NTRK3: variants seen among roughly 807,000 people sequenced by gnomAD.
The protein encoded by NTRK3 is neurotrophic receptor tyrosine kinase 3.
Under a neutral mutation model 91.7 loss-of-function variants are expected in NTRK3, and 24 were observed. The observed-to-expected ratio is 0.26, with a 90% CI of 0.19 to 0.37. NTRK3 has a LOEUF of 0.37. Among genes scored for constraint, NTRK3 ranks in the 10% least tolerant of loss-of-function variants. The pLI is 1.00. For missense variants in NTRK3, 880 were observed against 1,068.9 expected (o/e 0.82, Z 2.46); for synonymous variants, 483 against 404.0 (o/e 1.20, Z -2.34).
Position 87,935,734 on chromosome 15 carries a change from C to T in NTRK3, c.1717-2550G>A, listed in dbSNP as rs572259391. On this transcript the variant is annotated intron_variant, in intron 15 of 18. Transcript: ENST00000394480. ...AAATCATTCTCTCCCACAGTCTGGACGTCAATGACAGCCCTGGGATATTTC... is the reference window on the plus strand; with the variant it reads ...AAATCATTCTCTCCCACAGTCTGGATGTCAATGACAGCCCTGGGATATTTC... Among the ~76,000 whole-genome samples the T allele has an allele frequency of 9.2e-5, 14 of 152,304 alleles. No individual in the cohort carries two copies. In the South Asian group the frequency reaches 1.0e-3, roughly 11 times the overall value.
At chr15:87,870,181 TACACACACACACAC>T (rs58874538) in exon 19 of NTRK3, 3 of 168,128 alleles carry the variant, frequency 1.8e-5, no homozygotes, top group African/African-American at 2.5e-5. Flanking sequence ...GAAACTGTGG[TACACACACACACAC>T]ACACACACAC....
chr15:88,137,475 C>A, exon 7 of NTRK3: 1 of 1,614,194 alleles, frequency 6.2e-7, no homozygotes. Context: ...GAGGTTCTGG[C>A]TGTTGAGCTT....
chr15:88,190,859 G>A (rs1358295541), intron 3 of NTRK3, among the ~76,000 whole-genome samples: 1 of 152,176 alleles, frequency 6.6e-6, no homozygotes, highest in Non-Finnish European at 1.5e-5. Context: ...TGGCACTAGT[G>A]GAATAAATAG....
At chr15:87,979,016 G>A (rs72481815) in intron 14 of NTRK3, 1 of 417,086 alleles carries the variant, frequency 2.4e-6, no homozygotes, top group Non-Finnish European at 4.3e-6. Context: ...TTTTTGTAAA[G>A]CAAGAGAATG....
At chr15:88,173,180 C>T (rs1052690523) in intron 5 of NTRK3, among the ~76,000 whole-genome samples, 24 of 152,086 alleles carry the variant, frequency 1.6e-4, no homozygotes, top group East Asian at 1.5e-3. Context: ...GGAAAGAATG[C>T]GGGGACCCAG....
chr15:88,037,349 G>T (rs1270054196), intron 13 of NTRK3, among the ~76,000 whole-genome samples: 1 of 152,176 alleles, frequency 6.6e-6, no homozygotes, highest in Non-Finnish European at 1.5e-5. Context: ...ATCATGTGAG[G>T]TCAGGCATTC....
intron 17 of NTRK3, among the ~76,000 whole-genome samples, chr15:87,890,656 C>T (rs565247977): frequency 2.0e-5 from 3 of 152,008 alleles, no homozygotes; most frequent in African/African-American, 7.2e-5. Context: ...TTTCTGATGC[C>T]TGGTGTTTCA....
intron 14 of NTRK3, among the ~76,000 whole-genome samples, chr15:87,962,810 A>T (rs2072426685): frequency 2.0e-5 from 3 of 152,056 alleles, no homozygotes; most frequent in Admixed American, 1.3e-4. Flanking sequence ...CCTCACTCTG[A>T]CCTTGAGAAA....
At chr15:88,105,782 C>T (rs75255182) in intron 13 of NTRK3, among the ~76,000 whole-genome samples, 4,331 of 152,266 alleles carry the variant, frequency 0.028, 170 homozygotes, top group East Asian at 0.11. Flanking sequence ...GTGGCCACTT[C>T]CTGAGCATGG....
chr15:88,045,155 C>T (rs1045238098), intron 13 of NTRK3, among the ~76,000 whole-genome samples: 1 of 152,226 alleles, frequency 6.6e-6, no homozygotes, highest in Non-Finnish European at 1.5e-5. Context: ...GAGCCCACCA[C>T]CCTGTGTCTG....
At chr15:88,173,811 C>G (rs896624018) in intron 5 of NTRK3, among the ~76,000 whole-genome samples, 1 of 152,248 alleles carries the variant, frequency 6.6e-6, no homozygotes, top group African/African-American at 2.4e-5. Flanking sequence ...AGAGTGGAGG[C>G]TCTGGAGCTC....
At chr15:87,895,951 C>T (rs532563432) in intron 17 of NTRK3, among the ~76,000 whole-genome samples, 68 of 152,150 alleles carry the variant, frequency 4.5e-4, no homozygotes, top group Non-Finnish European at 7.9e-4. Context: ...TTTAAATATA[C>T]CTATAGCCTG....
At chr15:88,131,336 TCTAA>T (rs2041321268) in intron 10 of NTRK3, among the ~76,000 whole-genome samples, 1 of 152,230 alleles carries the variant, frequency 6.6e-6, no homozygotes, top group African/African-American at 2.4e-5. Context: ...GCAGATATTC[TCTAA>T]CTACTTGTGG....
chr15:87,917,985 CTGTT>C (rs1156478806), intron 17 of NTRK3, among the ~76,000 whole-genome samples: 3 of 121,208 alleles, frequency 2.5e-5, no homozygotes, highest in African/African-American at 4.1e-5. Flanking sequence ...CTCCATTTCA[CTGTT>C]TTTTTGTGTT....
chr15:87,959,347 G>C (rs1176020740), intron 14 of NTRK3, among the ~76,000 whole-genome samples: 2 of 152,200 alleles, frequency 1.3e-5, no homozygotes, highest in Admixed American at 1.3e-4. Context: ...TTAAATAGAT[G>C]AGCGGCTGCC....
intron 13 of NTRK3, chr15:88,098,587 G>C (rs1193489560): frequency 4.3e-6 from 1 of 230,394 alleles, no homozygotes; most frequent in East Asian, 6.1e-5. Context: ...TTGAGCAGAG[G>C]GCCCCAGATA....
exon 19 of NTRK3, chr15:87,862,114 G>A: frequency 4.6e-6 from 1 of 217,796 alleles, no homozygotes; most frequent in Non-Finnish European, 9.2e-6. Context: ...GGTGTTGGAT[G>A]CTGCTCACCT....
At chr15:88,029,831 G>A (rs552418593) in intron 14 of NTRK3, among the ~76,000 whole-genome samples, 2 of 152,158 alleles carry the variant, frequency 1.3e-5, no homozygotes, top group African/African-American at 2.4e-5. Context: ...CTGTTCCCTC[G>A]ACTGATGAAG....
intron 14 of NTRK3, among the ~76,000 whole-genome samples, chr15:88,026,067 T>C (rs904790265): frequency 6.6e-6 from 1 of 152,076 alleles, no homozygotes; most frequent in Admixed American, 6.5e-5. Context: ...GTCCAGAGAT[T>C]GAGACCATCC....
Sources: gnomAD v4.1 joint callset for allele counts (sites outside exome capture counted in the v4.1 genomes callset) on GRCh38, gnomAD v4.1.1 for gene constraint, MANE v1.5 for transcripts, NCBI Gene and HGNC (gene_info 2026-07-23, HGNC 2026-07-21) for gene names.